The following ABRAXAS2 variants were observed in gnomAD, a reference collection of about 807,000 sequenced individuals.
ABRAXAS2 encodes the protein abraxas 2, BRISC complex subunit.
ABRAXAS2 carries 23 observed loss-of-function variants against 49.0 expected under a neutral mutation model. The ratio of observed to expected loss-of-function variants is 0.47; its 90% CI spans 0.34 to 0.66. The LOEUF is 0.66. Ranked by LOEUF, ABRAXAS2 falls within the 30% of genes least tolerant of loss-of-function variation. The probability of loss-of-function intolerance (pLI) is 0.01; values close to 1 mark genes in which losing one functional copy is unlikely to be tolerated. For synonymous variants in ABRAXAS2, 168 were observed against 180.2 expected, an observed-to-expected ratio of 0.93 and a Z score of 0.54; for missense variants, 443 against 511.9, an observed-to-expected ratio of 0.87 and a Z score of 1.30.
At chr10:124,831,492 G>C (rs1950932331) in intron 8 of ABRAXAS2, 29 bp downstream of exon 8, 1 of 1,225,452 alleles carries the variant, frequency 8.2e-7, no homozygotes, top group Non-Finnish European at 1.2e-6. Flanking sequence ...TTACCATTCA[G>C]TATCAGGGAA....
intron 2 of ABRAXAS2, among the ~76,000 whole-genome samples, chr10:124,809,724 T>C (rs1003560860): frequency 2.6e-5 from 4 of 151,982 alleles, no homozygotes; most frequent in Non-Finnish European, 5.9e-5. Flanking sequence ...CAACACAAAT[T>C]GGTAAACTTT....
rs769656894 is a variant in ABRAXAS2, at chr10:124,806,875, C to T, written c.117C>T (p.Ser39=). The T allele has an allele frequency of 3.7e-6, 6 of 1,611,830 alleles. No homozygotes were observed. Among genetic ancestry groups the T allele is most frequent in the Non-Finnish European group, 3.4e-6 (4 of 1,178,772 alleles). The change falls in exon 2 of 9, where the codon AGC becomes AGT. Residue 39 remains serine, a synonymous_variant. Coordinates refer to ENST00000298492, the MANE Select transcript of ABRAXAS2 (RefSeq NM_032182.4). Reference sequence around the variant, plus strand: ...AGGTAAGACAAGAGGAAACGTTTAGCATCAGTGACTCACAAATCAGCAACA... The same window carrying T: ...AGGTAAGACAAGAGGAAACGTTTAGTATCAGTGACTCACAAATCAGCAACA... ...LGEVRQEETF[S]ISDSQISNTE...
Position 124,828,832 on chromosome 10 carries a change from C to G in ABRAXAS2, c.535C>G (p.Pro179Ala). ...SQQEYKVSSV[P>A]NTSQSYAKVI... ...GCAAGAGTACAAAGTGTCTTCAGTG[C>G]CAAATACTTCTCAGAGTTATGCCAA... Residue 179 changes from proline to alanine, a missense_variant, in exon 6 of 9, where the codon CCA (proline) becomes GCA (alanine). Physicochemically the swap from Pro to Ala is conservative, Grantham distance 27 (BLOSUM62 -1). This residue lies in a region of ABRAXAS2 where 166 missense variants were observed against 247.3 expected (regional missense o/e 0.67). Transcript: ENST00000298492. 6.2e-7 allele frequency: 1 copy of G among 1,613,726 alleles called. No homozygotes were observed. The highest frequency in any genetic ancestry group is 2.2e-5 in the East Asian group (1 of 44,864).
chr10:124,812,411 G>A (rs756394130), intron 2 of ABRAXAS2, among the ~76,000 whole-genome samples: 3 of 152,118 alleles, frequency 2.0e-5, no homozygotes, highest in Admixed American at 6.5e-5. Flanking sequence ...TTCAAAGGCC[G>A]TGGTAGGAGG....
chr10:124,801,981 C>T, intron 1 of ABRAXAS2, 80 bp downstream of exon 1: 3 of 1,437,406 alleles, frequency 2.1e-6, no homozygotes, highest in South Asian at 2.4e-5. Flanking sequence ...CAAGCCGGGA[C>T]CTCATGCGGC....
rs377749922 is a variant in ABRAXAS2, at chr10:124,826,714, C to G, written c.387C>G (p.Leu129=). 1 of 1,614,116 alleles carries G rather than the reference C, an allele frequency of 6.2e-7. No individual in the cohort carries two copies. Among genetic ancestry groups the G allele is most frequent in the Non-Finnish European group, 8.5e-7 (1 of 1,180,056 alleles). Residue 129 remains leucine (L), a synonymous_variant, in exon 5 of 9, where the codon CTC becomes CTG. Transcript: ENST00000298492. The part of the protein sequence containing the change: ...ILGVPDLVFL[L]FSFISTANNS... ...GCGTGCCCGACCTCGTCTTTCTTCTCTTCAGCTTCATCTCCACTGCCAACA... is the reference window on the plus strand; with the variant it reads ...GCGTGCCCGACCTCGTCTTTCTTCTGTTCAGCTTCATCTCCACTGCCAACA...
intron 5 of ABRAXAS2, among the ~76,000 whole-genome samples, chr10:124,828,546 T>G (rs1169895707): frequency 2.0e-5 from 3 of 152,012 alleles, no homozygotes; most frequent in Non-Finnish European, 4.4e-5. Context: ...TTTTTTATTT[T>G]TAGTAGAGAC....
chr10:124,830,111 G>A (rs527379429), intron 7 of ABRAXAS2, among the ~76,000 whole-genome samples: 2 of 152,274 alleles, frequency 1.3e-5, no homozygotes, highest in East Asian at 3.9e-4. Context: ...TGGTAAAGTT[G>A]ATGAAGCTCT....
chr10:124,821,569 G>GA (rs552390065), intron 4 of ABRAXAS2, among the ~76,000 whole-genome samples: 52 of 146,722 alleles, frequency 3.5e-4, no homozygotes, highest in South Asian at 2.2e-3. Context: ...CCCTGCCTTG[G>GA]AAAAAAAAAA....
chr10:124,802,965 A>G (rs1186430792), intron 1 of ABRAXAS2, among the ~76,000 whole-genome samples: 2 of 152,230 alleles, frequency 1.3e-5, no homozygotes, highest in African/African-American at 4.8e-5. Context: ...TGTTGATGGT[A>G]GAACTTAATG....
intron 1 of ABRAXAS2, among the ~76,000 whole-genome samples, chr10:124,802,516 C>T (rs1014005273): frequency 2.0e-5 from 3 of 152,132 alleles, no homozygotes; most frequent in Admixed American, 6.6e-5. Context: ...AGTTCTTTCA[C>T]TAGTCACAGT....
intron 4 of ABRAXAS2, 106 bp downstream of exon 4, chr10:124,819,556 A>G: frequency 2.7e-6 from 3 of 1,091,834 alleles, no homozygotes; most frequent in Non-Finnish European, 4.1e-6. Context: ...TCATGTTAAT[A>G]TGTAAAAGTT....
chr10:124,825,413 G>A (rs183517291), intron 4 of ABRAXAS2, among the ~76,000 whole-genome samples: 151 of 151,966 alleles, frequency 9.9e-4, no homozygotes, highest in African/African-American at 3.4e-3. Context: ...TAATCTATGG[G>A]AAGATATGTT....
intron 2 of ABRAXAS2, among the ~76,000 whole-genome samples, chr10:124,815,657 G>C (rs926421853): frequency 1.3e-5 from 2 of 152,142 alleles, no homozygotes; most frequent in African/African-American, 4.8e-5. Context: ...TAAGCCCCTG[G>C]ATGAGCTCAA....
At chr10:124,831,133 TA>T (rs1950929614) in intron 7 of ABRAXAS2, among the ~76,000 whole-genome samples, 1 of 152,248 alleles carries the variant, frequency 6.6e-6, no homozygotes, top group Non-Finnish European at 1.5e-5. Context: ...CAAGAATTTA[TA>T]AGCTAAATAG....
chr10:124,820,470 A>G (rs983628060), intron 4 of ABRAXAS2, among the ~76,000 whole-genome samples: 2 of 152,028 alleles, frequency 1.3e-5, no homozygotes, highest in East Asian at 1.9e-4. Context: ...AATCTTCATT[A>G]TACTTTTTTT....
chr10:124,823,255 T>G (rs1950874047), intron 4 of ABRAXAS2, among the ~76,000 whole-genome samples: 1 of 152,206 alleles, frequency 6.6e-6, no homozygotes, highest in Non-Finnish European at 1.5e-5. Flanking sequence ...TGTTTGGATT[T>G]TTTCCCCTAG....
rs756495808 is a variant in ABRAXAS2, at chr10:124,819,365, A to AT, written c.201-12dup. The AT allele has an allele frequency of 1.2e-6, 2 of 1,610,716 alleles. No homozygotes were observed. The highest frequency in any genetic ancestry group is 1.7e-6 in the Non-Finnish European group (2 of 1,177,116). ...CAATACTATGTGGTGTTAGTACAAGATTTTTTTCTCTTAAACAGTTTTTAT... is the reference window on the plus strand; with the variant it reads ...CAATACTATGTGGTGTTAGTACAAGATTTTTTTTCTCTTAAACAGTTTTTAT... On this transcript the variant is annotated intron_variant, in intron 3 of 8. Coordinates refer to ENST00000298492, the MANE Select transcript of ABRAXAS2 (RefSeq NM_032182.4).
intron 2 of ABRAXAS2, among the ~76,000 whole-genome samples, chr10:124,808,203 T>G (rs1340100244): frequency 2.7e-5 from 4 of 149,860 alleles, no homozygotes; most frequent in Non-Finnish European, 5.9e-5. Flanking sequence ...TGAGACGGAG[T>G]CTTGCTCTGT....
Sources: gnomAD v4.1 joint callset for allele counts (sites outside exome capture counted in the v4.1 genomes callset) on GRCh38, gnomAD v4.1.1 for gene constraint, gnomAD v4.1.1 regional missense constraint, MANE v1.5 for transcripts, NCBI Gene and HGNC (gene_info 2026-07-23, HGNC 2026-07-21) for gene names.